KIFC3: variants seen among roughly 807,000 people sequenced by gnomAD.
KIFC3 encodes kinesin family member C3.
In KIFC3, 60 loss-of-function variants were observed where a neutral mutation model predicts 101.8. The observed-to-expected ratio is 0.59, with a 90% CI of 0.48 to 0.73. The LOEUF is 0.73. Ranked by LOEUF, KIFC3 falls within the 30% of genes least tolerant of loss-of-function variation. The pLI is 0.00. For synonymous variants in KIFC3, 476 were observed against 482.7 expected (o/e 0.99, Z 0.18); for missense variants, 966 against 1,137.1 (o/e 0.85, Z 2.16).
chr16:57,793,695 G>A (rs1325587272), intron 3 of KIFC3, among the ~76,000 whole-genome samples: 2 of 151,556 alleles, frequency 1.3e-5, no homozygotes, highest in East Asian at 1.9e-4. Flanking sequence ...CAGGTGTGAT[G>A]ATGCACACCT....
Position 57,814,602 on chromosome 16 carries a change from A to G in KIFC3, c.109-16320T>C, listed in dbSNP as rs151211742. ...TACAGATGAAGAAACTGTCACTGTC[A>G]TTAGGACCACCATCATTATCATTAC... is the stretch of plus-strand genomic sequence containing the variant. On this transcript the variant is annotated intron_variant, in intron 1 of 2. Transcript: ENST00000563028. Among the ~76,000 whole-genome samples the G allele has an allele frequency of 5.8e-3, 882 of 152,120 alleles. 14 individuals carry two copies. Among genetic ancestry groups the G allele is most frequent in the South Asian group, 0.041 (198 of 4,816 alleles).
rs150167969 is a variant in KIFC3 at position 57,770,543 on chromosome 16, G to A, written c.923C>T (p.Ala308Val). The A allele has an allele frequency of 3.4e-5, 49 of 1,457,024 alleles. No individual in the cohort carries two copies. The highest frequency in any genetic ancestry group is 5.5e-5 in the Admixed American group (2 of 36,662). The allele number at this position is 1,457,024 out of a possible 1,614,324, so 90.3% of individuals were successfully genotyped here. Reference protein sequence around the residue: ...QQLQSSHQLTARLRAQIAMYE... With the variant: ...QQLQSSHQLTVRLRAQIAMYE... ...CCTGGGTACCTGCGCCCGGAGCCGC[G>A]CGGTCAGCTGGTGTGAGCTCTGCAG... The change falls in exon 7 of 20, where the codon GCG becomes GTG. Residue 308 changes from alanine (A) to valine (V), a missense_variant. By Grantham distance (64) the Ala-to-Val change is moderately conservative. Around this residue, in one of 2 missense-constraint regions of KIFC3, gnomAD observed 689 missense variants for 884.6 expected, o/e 0.78. Coordinates refer to ENST00000445690, the MANE Select transcript of KIFC3 (RefSeq NM_001130100.2).
At chr16:57,764,797 G>C (rs1348012013) in intron 11 of KIFC3, among the ~76,000 whole-genome samples, 1 of 151,128 alleles carries the variant, frequency 6.6e-6, no homozygotes, top group Admixed American at 6.6e-5. Flanking sequence ...GCAGGGTCAT[G>C]AAGATGGATG....
intron 1 of KIFC3, chr16:57,810,823 G>A (rs2055053637): frequency 2.5e-6 from 1 of 402,164 alleles, no homozygotes; most frequent in South Asian, 1.0e-4. Flanking sequence ...TGGAGAGACT[G>A]AGGCCAGTGG....
At chr16:57,822,777 G>C (rs1470710440) in intron 1 of KIFC3, among the ~76,000 whole-genome samples, 2 of 152,134 alleles carry the variant, frequency 1.3e-5, no homozygotes, top group Admixed American at 6.6e-5. Flanking sequence ...CTCAGAGACT[G>C]TTCCAGATTG....
At chr16:57,824,083 A>C (rs1047307933) in intron 1 of KIFC3, among the ~76,000 whole-genome samples, 1 of 152,216 alleles carries the variant, frequency 6.6e-6, no homozygotes, top group Non-Finnish European at 1.5e-5. Flanking sequence ...AGGGAGGGTG[A>C]TCAACCGTCC....
At position 57,774,804 on chromosome 16, in the gene KIFC3, G is replaced by A. The variant is rs1264980348; in HGVS notation, c.316-2516C>T. The A allele has an allele frequency of 2.6e-5, 30 of 1,133,750 alleles. No homozygotes were observed. In the South Asian group the frequency reaches 2.7e-4, roughly 10 times the overall value. 70.2% of individuals were successfully genotyped at this position (1,133,750 alleles called of 1,614,324 possible). On this transcript the variant is annotated intron_variant, in intron 3 of 19. Coordinates refer to ENST00000445690, the MANE Select transcript of KIFC3 (RefSeq NM_001130100.2). ...AGCCTCCCAAAGTGCTGGGATTACC[G>A]TTGTGAGCCCCTGCGCCCGGCCAGT...
intron 3 of KIFC3, among the ~76,000 whole-genome samples, chr16:57,784,819 T>TCA (rs1423130284): frequency 6.6e-6 from 1 of 151,692 alleles, no homozygotes; most frequent in Non-Finnish European, 1.5e-5. Flanking sequence ...AGTGACGCAG[T>TCA]CACACACACA....
chr16:57,760,272 G>C lies in KIFC3; in HGVS notation c.2367+10C>G. On this transcript the variant is annotated intron_variant, in intron 17 of 19. Coordinates refer to ENST00000445690, the MANE Select transcript of KIFC3 (RefSeq NM_001130100.2). Reference sequence around the variant, plus strand: ...GGCCACCTGAGCCAGGCCTGTGACAGTCCCCGTACCTCTAGATGCTCCTGG... The same window carrying C: ...GGCCACCTGAGCCAGGCCTGTGACACTCCCCGTACCTCTAGATGCTCCTGG... 1 of 1,608,432 alleles carries C rather than the reference G, an allele frequency of 6.2e-7. No individual in the cohort carries two copies. Among genetic ancestry groups the C allele is most frequent in the East Asian group, 2.2e-5 (1 of 44,716 alleles).
intron 1 of KIFC3, among the ~76,000 whole-genome samples, chr16:57,811,223 T>C (rs2055064979): frequency 6.6e-6 from 1 of 151,964 alleles, no homozygotes; most frequent in Non-Finnish European, 1.5e-5. Context: ...GAATGATGAG[T>C]GACTATGAAT....
intron 3 of KIFC3, chr16:57,776,034 G>A (rs952126509): frequency 3.3e-5 from 33 of 985,336 alleles, no homozygotes; most frequent in Non-Finnish European, 3.7e-5. Context: ...CCAAGGGTGG[G>A]GCCAGCCAGC....
intron 3 of KIFC3, among the ~76,000 whole-genome samples, chr16:57,787,774 G>A (rs1418182123): frequency 1.3e-5 from 2 of 152,208 alleles, no homozygotes; most frequent in Non-Finnish European, 2.9e-5. Flanking sequence ...GCAGAGGAGT[G>A]CCTGGGCCCA....
chr16:57,759,148 G>C lies in KIFC3; in HGVS notation c.*1C>G. ...ACCTAGAGACTCTGCAGCCCCAGCC[G>C]TCAGGCTGAAATCAAAGTGACAGGC... is the stretch of plus-strand genomic sequence containing the variant. On this transcript the variant is annotated 3_prime_UTR_variant, in exon 19 of 20. Coordinates refer to ENST00000445690, the MANE Select transcript of KIFC3 (RefSeq NM_001130100.2). 1 of 1,550,880 alleles carries C rather than the reference G, an allele frequency of 6.4e-7. No homozygotes were observed.
At chr16:57,795,782 C>T (rs1555622544) in intron 2 of KIFC3, among the ~76,000 whole-genome samples, 1 of 152,110 alleles carries the variant, frequency 6.6e-6, no homozygotes, top group African/African-American at 2.4e-5. Flanking sequence ...ATGAGGCACA[C>T]TGCAGAGCCA....
intron 1 of KIFC3, among the ~76,000 whole-genome samples, chr16:57,856,196 A>G (rs2056163948): frequency 6.6e-6 from 1 of 151,780 alleles, no homozygotes; most frequent in Non-Finnish European, 1.5e-5. Flanking sequence ...AAAGAAAAAA[A>G]AAGGCTGGGC....
Position 57,802,444 on chromosome 16 carries a change from G to T in KIFC3, c.-114C>A. On this transcript the variant is annotated 5_prime_UTR_variant, in exon 1 of 20. Transcript: ENST00000445690. The surrounding 1 kb of genome is among the most constrained non-coding windows in gnomAD (Gnocchi z 5.0). ...GCCCGGCCCGGCCCGCCGGCAGGAG[G>T]CAGCTCCACGCCGCCGCCTCCTCCT... 1 of 983,030 alleles carries T rather than the reference G, an allele frequency of 1.0e-6. No individual in the cohort carries two copies. Among genetic ancestry groups the T allele is most frequent in the Non-Finnish European group, 1.2e-6 (1 of 828,988 alleles). The allele number at this position is 983,030 out of a possible 1,614,324, so 60.9% of individuals were successfully genotyped here.
rs2049804482 is a variant in KIFC3, at chr16:57,761,156, G to A, written c.1888C>T (p.His630Tyr). 1 of 1,613,948 alleles carries A rather than the reference G, an allele frequency of 6.2e-7. No homozygotes were observed. The highest frequency in any genetic ancestry group is 8.5e-7 in the Non-Finnish European group (1 of 1,179,968). Reference protein sequence around the residue: ...DDINKVFEFGHTNRTTEFTNL... With the variant: ...DDINKVFEFGYTNRTTEFTNL... ...GTGAACTCGGTCGTGCGATTAGTGT[G>A]GCCAAACTCAAACACCTGGGGGATT... Residue 630 changes from histidine (H) to tyrosine (Y), a missense_variant, in exon 15 of 20, where the codon CAC becomes TAC. By Grantham distance (83) the His-to-Tyr change is moderately conservative. Transcript: ENST00000445690.
intron 15 of KIFC3, 28 bp from the exon 16 acceptor site, chr16:57,760,983 G>GCCTGC: frequency 1.2e-6 from 2 of 1,603,990 alleles, no homozygotes; most frequent in Non-Finnish European, 1.7e-6. Context: ...ACCAGATCAG[G>GCCTGC]CCTGCCCTGC....
At chr16:57,840,850 G>A (rs1017751422) in intron 1 of KIFC3, among the ~76,000 whole-genome samples, 3 of 151,096 alleles carry the variant, frequency 2.0e-5, no homozygotes, top group East Asian at 1.9e-4. Flanking sequence ...GGTTCTACAC[G>A]CAAGACAATG....
Sources: allele counts gnomAD v4.1 joint callset (sites outside exome capture counted in the v4.1 genomes callset), GRCh38; gene constraint gnomAD v4.1.1; regional missense constraint gnomAD v4.1.1; non-coding constraint Gnocchi (gnomAD v3.1); transcripts MANE v1.5; gene names NCBI Gene and HGNC (gene_info 2026-07-23, HGNC 2026-07-21).